The following MGAT5B variants were observed in gnomAD, a reference collection of about 807,000 sequenced individuals.
MGAT5B encodes N-acetylglucosaminyl-transferase Vb.
MGAT5B carries 54 observed loss-of-function variants against 95.1 expected under a neutral mutation model. That is an observed-to-expected ratio of 0.57 (90% CI 0.46 to 0.71). MGAT5B has a LOEUF of 0.71. Ranked by LOEUF, MGAT5B falls within the 30% of genes least tolerant of loss-of-function variation. The pLI, the probability that MGAT5B is intolerant of heterozygous loss-of-function variation, is 0.00. For synonymous variants in MGAT5B, 464 were observed against 451.0 expected, an observed-to-expected ratio of 1.03 and a Z score of -0.36; for missense variants, 935 against 1,088.6, an observed-to-expected ratio of 0.86 and a Z score of 1.99.
At chr17:76,929,296 A>G (rs1969411871) in intron 10 of MGAT5B, among the ~76,000 whole-genome samples, 2 of 152,070 alleles carry the variant, frequency 1.3e-5, no homozygotes, top group Admixed American at 1.3e-4. Context: ...GAAAATGAGG[A>G]CTTGTCCCAG....
rs1969819876 is a variant in MGAT5B at position 76,940,293 on chromosome 17, G to A, written c.1585-109G>A. ...AGCAAAAATAATCGCTCCAGGCCCA[G>A]CTGCCTCCTGTGAATATCCCGAAGC... On this transcript the variant is annotated intron_variant, in intron 13 of 17. Coordinates refer to ENST00000569840, the MANE Select transcript of MGAT5B (RefSeq NM_001199172.2). The surrounding 1 kb of genome is among the most constrained non-coding windows in gnomAD (Gnocchi z 4.3). The A allele has an allele frequency of 5.9e-6, 8 of 1,346,700 alleles. No homozygotes were observed. The highest frequency in any genetic ancestry group is 5.9e-6 in the Non-Finnish European group (6 of 1,009,070). The allele number at this position is 1,346,700 out of a possible 1,614,324, so 83.4% of individuals were successfully genotyped here. A position where few individuals can be genotyped will look rare whatever the true frequency, so the allele number is the denominator to read the frequency against.
At chr17:76,943,398 C>A (rs1167942000) in intron 15 of MGAT5B, among the ~76,000 whole-genome samples, 1 of 152,074 alleles carries the variant, frequency 6.6e-6, no homozygotes. Context: ...AGCTCACCCC[C>A]TCAGCTCACA....
chr17:76,883,726 G>A (rs1317522816), intron 3 of MGAT5B, among the ~76,000 whole-genome samples: 2 of 152,204 alleles, frequency 1.3e-5, no homozygotes, highest in Non-Finnish European at 2.9e-5. Context: ...AGCTTGAAAC[G>A]CACTTTTAGA....
In MGAT5B at chr17:76,916,138, C is replaced by A. The variant is rs1190451757; in HGVS notation, c.1026-8828C>A. 1.3e-5 allele frequency among the ~76,000 whole-genome samples: 2 copies of A among 150,406 alleles called. No individual in the cohort carries two copies. The highest frequency in any genetic ancestry group is 3.9e-4 in the East Asian group (2 of 5,180). ...TCCTCGGGATCCAGGAGAGACCCTT[C>A]CTTGCAAGGCCTCGTCTCCCCTTAT... On this transcript the variant is annotated intron_variant, in intron 8 of 17. Coordinates refer to ENST00000569840, the MANE Select transcript of MGAT5B (RefSeq NM_001199172.2). This position sits in a 1 kb window ranked among gnomAD's most constrained non-coding sequence, Gnocchi z 5.3.
intron 8 of MGAT5B, among the ~76,000 whole-genome samples, chr17:76,921,763 G>A (rs2145229837): frequency 6.6e-6 from 1 of 152,302 alleles, no homozygotes; most frequent in Non-Finnish European, 1.5e-5. Context: ...ACCCCTGGGA[G>A]ATGTGATCAA....
intron 3 of MGAT5B, among the ~76,000 whole-genome samples, chr17:76,885,842 A>G (rs539073395): frequency 6.6e-6 from 1 of 152,294 alleles, no homozygotes; most frequent in African/African-American, 2.4e-5. Flanking sequence ...CAGGTTAACC[A>G]ACCTGCAGCT....
Position 76,940,897 on chromosome 17 carries a change from G to C in MGAT5B, c.1848+49G>C. On this transcript the variant is annotated intron_variant, in intron 15 of 17. Coordinates refer to ENST00000569840, the MANE Select transcript of MGAT5B (RefSeq NM_001199172.2). The surrounding 1 kb of genome is among the most constrained non-coding windows in gnomAD (Gnocchi z 4.3). ...AGACCCCCCACTAGTCCACACTGCT[G>C]GTCTTCACTCTGATTAGAAAACGGT... The C allele has an allele frequency of 3.4e-6, 5 of 1,470,540 alleles. No homozygotes were observed. The highest frequency in any genetic ancestry group is 4.8e-6 in the Non-Finnish European group (5 of 1,051,810). 91.1% of individuals were successfully genotyped at this position (1,470,540 alleles called of 1,614,324 possible).
chr17:76,927,657 C>T (rs994095959), intron 10 of MGAT5B, among the ~76,000 whole-genome samples: 2 of 152,266 alleles, frequency 1.3e-5, no homozygotes, highest in African/African-American at 4.8e-5. Flanking sequence ...TTCTCTGCCT[C>T]CCGGGCGCAT....
At chr17:76,903,826 T>G (rs1370317394) in intron 5 of MGAT5B, among the ~76,000 whole-genome samples, 1 of 152,172 alleles carries the variant, frequency 6.6e-6, no homozygotes, top group African/African-American at 2.4e-5. Flanking sequence ...ACCCCTTCCT[T>G]GGTGACCATC....
At chr17:76,925,725 C>T (rs1295556053) in intron 9 of MGAT5B, among the ~76,000 whole-genome samples, 7 of 152,216 alleles carry the variant, frequency 4.6e-5, no homozygotes, top group South Asian at 2.1e-4. Flanking sequence ...CCTCCCACCC[C>T]GGGCCTCTTC....
intron 9 of MGAT5B, among the ~76,000 whole-genome samples, chr17:76,925,894 G>T (rs969144142): frequency 6.6e-6 from 1 of 152,170 alleles, no homozygotes; most frequent in Non-Finnish European, 1.5e-5. Context: ...TGGCTCTGGG[G>T]CTGTGGCCCA....
chr17:76,888,570 C>T (rs951004419), intron 3 of MGAT5B, among the ~76,000 whole-genome samples: 4 of 152,152 alleles, frequency 2.6e-5, no homozygotes, highest in African/African-American at 4.8e-5. Context: ...ATGCAACTCT[C>T]GTAAATCAGG....
In MGAT5B at chr17:76,948,694, G is replaced by A. The variant is rs776525869; in HGVS notation, c.2235G>A (p.Ala745=). Residue 745 remains alanine (A), a synonymous_variant, in exon 18 of 18, where the codon GCG becomes GCA. Coordinates refer to ENST00000569840, the MANE Select transcript of MGAT5B (RefSeq NM_001199172.2). ...CGGAGATGAACCACCTGTACCCGGC[G>A]TTCGCCCAGCCTGGCCAGGAGTGCT... The part of the protein sequence containing the change: ...TESEMNHLYP[A]FAQPGQECYL... 9 of 1,613,320 alleles carry A rather than the reference G, an allele frequency of 5.6e-6. No individual in the cohort carries two copies. The highest frequency in any genetic ancestry group is 2.7e-5 in the African/African-American group (2 of 74,934).
intron 2 of MGAT5B, among the ~76,000 whole-genome samples, chr17:76,881,243 G>A (rs541957726): frequency 4.6e-5 from 7 of 152,284 alleles, no homozygotes; most frequent in African/African-American, 1.4e-4. Context: ...CTGGCTGATG[G>A]GATCTTGGTC....
At chr17:76,934,312 TAGA>T (rs759482678) in intron 12 of MGAT5B, among the ~76,000 whole-genome samples, 6 of 152,208 alleles carry the variant, frequency 3.9e-5, no homozygotes, top group African/African-American at 7.2e-5. Context: ...CACAGTGGGT[TAGA>T]AGGTGACCCA....
At chr17:76,943,223 T>C (rs1969923010) in intron 15 of MGAT5B, among the ~76,000 whole-genome samples, 2 of 152,156 alleles carry the variant, frequency 1.3e-5, no homozygotes, top group Admixed American at 1.3e-4. Flanking sequence ...TGAACATCTG[T>C]TTAATTTTGT....
intron 6 of MGAT5B, among the ~76,000 whole-genome samples, chr17:76,904,859 A>G (rs1968462525): frequency 6.6e-6 from 1 of 152,200 alleles, no homozygotes; most frequent in South Asian, 2.1e-4. Flanking sequence ...GTCCCCTGCC[A>G]TCGGAGTCCT....
intron 2 of MGAT5B, 23 bp downstream of exon 2, chr17:76,872,986 G>A (rs772225779): frequency 6.2e-7 from 1 of 1,611,178 alleles, no homozygotes; most frequent in East Asian, 2.2e-5. Context: ...GGCAAGGGGA[G>A]TGTGAGATGA....
intron 8 of MGAT5B, among the ~76,000 whole-genome samples, chr17:76,909,025 T>G (rs959561248): frequency 4.1e-4 from 63 of 152,274 alleles, no homozygotes; most frequent in African/African-American, 1.5e-3. Context: ...CATGCTGGTC[T>G]CGAACTCCTG....
Sources: gnomAD v4.1 joint callset for allele counts (sites outside exome capture counted in the v4.1 genomes callset) on GRCh38, gnomAD v4.1.1 for gene constraint, Gnocchi (gnomAD v3.1) non-coding constraint, MANE v1.5 for transcripts, NCBI Gene and HGNC (gene_info 2026-07-23, HGNC 2026-07-21) for gene names.